The following KIAA0825 variants were observed in gnomAD, a reference collection of about 807,000 sequenced individuals.
The protein encoded by KIAA0825 is uncharacterized protein KIAA0825.
KIAA0825 carries 119 observed loss-of-function variants against 147.6 expected under a neutral mutation model. The ratio of observed to expected loss-of-function variants is 0.81; its 90% confidence interval spans 0.69 to 0.94. The LOEUF is 0.94. Ranked by LOEUF, KIAA0825 falls within the 40% of genes least tolerant of loss-of-function variation. The probability of loss-of-function intolerance (pLI) is 0.00; values close to 1 mark genes in which losing one functional copy is unlikely to be tolerated. For synonymous variants in KIAA0825, 470 were observed against 518.1 expected (o/e 0.91, Z 1.26); for missense variants, 1,381 against 1,472.7 (o/e 0.94, Z 1.02).
intron 20 of KIAA0825, among the ~76,000 whole-genome samples, chr5:94,250,893 A>T (rs1031684478): frequency 1.3e-5 from 2 of 152,130 alleles, no homozygotes; most frequent in South Asian, 2.1e-4. Flanking sequence ...CCATAATGAA[A>T]ATGTAAAGCA....
chr5:94,376,337 T>TA (rs1747570672), intron 20 of KIAA0825, among the ~76,000 whole-genome samples: 1 of 152,224 alleles, frequency 6.6e-6, no homozygotes, highest in African/African-American at 2.4e-5. Flanking sequence ...AGCTGCCATG[T>TA]AATGTCCGTG....
chr5:94,499,911 T>C (rs1335891099), intron 5 of KIAA0825, among the ~76,000 whole-genome samples: 2 of 152,114 alleles, frequency 1.3e-5, no homozygotes, highest in South Asian at 2.1e-4. Flanking sequence ...GAGAAAGGCA[T>C]ATGGAGATGC....
chr5:94,441,239 C>T (rs928552736), intron 13 of KIAA0825, among the ~76,000 whole-genome samples: 1 of 152,102 alleles, frequency 6.6e-6, no homozygotes, highest in Non-Finnish European at 1.5e-5. Flanking sequence ...CCAGCCTCAT[C>T]CCATCAGAAA....
chr5:94,408,655 G>A (rs955211442), intron 15 of KIAA0825, among the ~76,000 whole-genome samples: 1 of 152,138 alleles, frequency 6.6e-6, no homozygotes, highest in East Asian at 1.9e-4. Context: ...TTACAGGCAT[G>A]AGCCACCACG....
intron 20 of KIAA0825, among the ~76,000 whole-genome samples, chr5:94,253,224 A>G (rs1032221265): frequency 6.6e-6 from 1 of 152,150 alleles, no homozygotes; most frequent in African/African-American, 2.4e-5. Flanking sequence ...TTAAAAAGTC[A>G]CCCAGTGATT....
In KIAA0825 at chr5:94,386,227, C is replaced by T. The variant is rs1317455414; in HGVS notation, c.3619+15G>A. On this transcript the variant is annotated intron_variant, in intron 19 of 20. Transcript: ENST00000682413. Reference sequence around the variant, plus strand: ...AAACCACACATTTAAATTAAATTTACCATTTAATTTCCACATACCTGATCT... The same window carrying T: ...AAACCACACATTTAAATTAAATTTATCATTTAATTTCCACATACCTGATCT... The T allele has an allele frequency of 6.6e-7, 1 of 1,524,668 alleles. No individual in the cohort carries two copies. Among genetic ancestry groups the T allele is most frequent in the Non-Finnish European group, 8.8e-7 (1 of 1,134,448 alleles). 94.4% of individuals were successfully genotyped at this position (1,524,668 alleles called of 1,614,324 possible).
intron 20 of KIAA0825, among the ~76,000 whole-genome samples, chr5:94,286,624 C>T (rs1005412396): frequency 1.3e-5 from 2 of 151,994 alleles, no homozygotes; most frequent in Non-Finnish European, 2.9e-5. Context: ...ATAATCATAG[C>T]TCACTGCAGC....
intron 20 of KIAA0825, among the ~76,000 whole-genome samples, chr5:94,213,946 A>G (rs1772976873): frequency 6.6e-6 from 1 of 152,226 alleles, no homozygotes; most frequent in South Asian, 2.1e-4. Flanking sequence ...CTCCAGGATG[A>G]TAGGAACTGT....
intron 11 of KIAA0825, among the ~76,000 whole-genome samples, chr5:94,464,417 A>C (rs1760233310): frequency 6.6e-6 from 1 of 152,182 alleles, no homozygotes; most frequent in Non-Finnish European, 1.5e-5. Flanking sequence ...GAAAATAATT[A>C]GGTTTTCTTA....
chr5:94,616,067 A>G (rs1343111257), intron 1 of KIAA0825, among the ~76,000 whole-genome samples: 1 of 152,154 alleles, frequency 6.6e-6, no homozygotes, highest in Non-Finnish European at 1.5e-5. Flanking sequence ...CGCCAGGCAC[A>G]GTGCTAGATG....
At chr5:94,546,745 G>A (rs1246023278) in intron 2 of KIAA0825, among the ~76,000 whole-genome samples, 2 of 142,014 alleles carry the variant, frequency 1.4e-5, no homozygotes, top group African/African-American at 5.3e-5. Flanking sequence ...AACAAGCCCA[G>A]CCTGTGAAGA....
chr5:94,279,041 A>T (rs1777344502), intron 20 of KIAA0825, among the ~76,000 whole-genome samples: 1 of 152,054 alleles, frequency 6.6e-6, no homozygotes, highest in Non-Finnish European at 1.5e-5. Flanking sequence ...TATACATGAA[A>T]CCTAAGCCAT....
chr5:94,536,267 G>T (rs1561280646), intron 3 of KIAA0825, among the ~76,000 whole-genome samples: 1 of 152,248 alleles, frequency 6.6e-6, no homozygotes, highest in East Asian at 1.9e-4. Context: ...AGTTTCTTTG[G>T]AAATTCAAGG....
At chr5:94,176,646 A>G (rs188028747) in intron 20 of KIAA0825, among the ~76,000 whole-genome samples, 2 of 152,272 alleles carry the variant, frequency 1.3e-5, no homozygotes, top group African/African-American at 4.8e-5. Context: ...AAAGCATAAA[A>G]AAAATCTGCC....
chr5:94,471,608 C>T lies in KIAA0825; in HGVS notation c.1579G>A (p.Val527Ile). 1.9e-6 allele frequency: 3 copies of T among 1,551,952 alleles called. No individual in the cohort carries two copies. In the South Asian group the frequency reaches 3.6e-5, roughly 18 times the overall value. Residue 527 changes from valine (V) to isoleucine (I), a missense_variant, in exon 9 of 21, where the codon GTC becomes ATC. By Grantham distance (29) the Val-to-Ile change is conservative. Coordinates refer to ENST00000682413, the MANE Select transcript of KIAA0825 (RefSeq NM_001145678.3). ...VEACCKVATA[V>I]LQRLQERAKE... is the part of the protein sequence containing the mutation. ...GCTCTCTCTTGCAGTCTCTGCAGGACAGCTGTTGCCACTTTACAACAGGCC... is the reference window on the plus strand; with the variant it reads ...GCTCTCTCTTGCAGTCTCTGCAGGATAGCTGTTGCCACTTTACAACAGGCC...
At position 94,396,187 on chromosome 5, in the gene KIAA0825, G is replaced by A. The variant is rs1268376128; in HGVS notation, c.3210C>T (p.Ile1070=). 1.3e-6 allele frequency: 2 copies of A among 1,550,702 alleles called. No homozygotes were observed. Among genetic ancestry groups the A allele is most frequent in the Middle Eastern group, 1.7e-4 (1 of 5,984 alleles). ...GCTCAATGCTCTGTATGACCTTTTG[G>A]ATCATTTGATTATGGATACTTGTCT... ...GDQTSIHNQM[I]QKVIQSIEQQ... Residue 1070 remains isoleucine, a synonymous_variant, in exon 17 of 21, where the codon ATC becomes ATT. Coordinates refer to ENST00000682413, the MANE Select transcript of KIAA0825 (RefSeq NM_001145678.3).
intron 20 of KIAA0825, among the ~76,000 whole-genome samples, chr5:94,309,659 G>A (rs1045209213): frequency 6.6e-6 from 1 of 151,670 alleles, no homozygotes; most frequent in Non-Finnish European, 1.5e-5. Context: ...CATAGGATAC[G>A]ACAGTGGCAA....
chr5:94,455,216 G>C (rs1758949369), intron 12 of KIAA0825, among the ~76,000 whole-genome samples: 1 of 151,898 alleles, frequency 6.6e-6, no homozygotes, highest in Admixed American at 6.6e-5. Context: ...AGGAACGTAA[G>C]ATGTAAAGAT....
At chr5:94,406,688 A>C (rs776133483) in intron 15 of KIAA0825, among the ~76,000 whole-genome samples, 5 of 152,200 alleles carry the variant, frequency 3.3e-5, no homozygotes, top group Admixed American at 6.5e-5. Flanking sequence ...ATCTTGGTAA[A>C]AACAGTGAGC....
Sources: allele counts gnomAD v4.1 joint callset (sites outside exome capture counted in the v4.1 genomes callset), GRCh38; gene constraint gnomAD v4.1.1; transcripts MANE v1.5; gene names NCBI Gene and HGNC (gene_info 2026-07-23, HGNC 2026-07-21).